ULK4: variants seen among roughly 807,000 people sequenced by gnomAD.
ULK4 encodes the protein inactive serine/threonine-protein kinase ULK4.
In ULK4, 133 loss-of-function variants were observed where a neutral mutation model predicts 160.6. The ratio of observed to expected loss-of-function variants is 0.83; its 90% confidence interval spans 0.72 to 0.96. The LOEUF is 0.96. ULK4 is among the 40% of genes least tolerant of loss of function. The pLI, the probability that ULK4 is intolerant of heterozygous loss-of-function variation, is 0.00. For missense variants in ULK4, 1,580 were observed against 1,499.5 expected (o/e 1.05, Z -0.89); for synonymous variants, 534 against 539.8 (o/e 0.99, Z 0.15).
In ULK4 at chr3:41,532,036, A is replaced by T. The variant is rs147557350; in HGVS notation, c.3226+33989T>A. Among the ~76,000 whole-genome samples the T allele has an allele frequency of 9.7e-4, 148 of 152,322 alleles. 1 individual carries two copies. Among genetic ancestry groups the T allele is most frequent in the Non-Finnish European group, 4.1e-4 (28 of 68,038 alleles). On this transcript the variant is annotated intron_variant, in intron 32 of 36. Transcript: ENST00000301831. ...CCAAACCACCGGTCTAATCTATACA[A>T]GTTAGCCAACCAAGACAGACAGGTA...
chr3:41,686,887 G>A lies in ULK4; in HGVS notation c.2782-5083C>T, dbSNP rs1400330476. Among the ~76,000 whole-genome samples, 3 of 152,090 alleles carry A rather than the reference G, an allele frequency of 2.0e-5. No homozygotes were observed. In the East Asian group the frequency reaches 5.8e-4, roughly 29 times the overall value. On this transcript the variant is annotated intron_variant, in intron 27 of 36. Transcript: ENST00000301831. ...ATTTCAATACATACAGTTTTCTAAA[G>A]AACTGTATGCATTTTATTTATTTTC...
In ULK4 at chr3:41,619,890, A is replaced by G. The variant is rs190920747; in HGVS notation, c.3072-4173T>C. ...ACACTAGCTAGACTAATAAAAAGAG[A>G]GAAGAATCAAATAGACACAACAAAA... On this transcript the variant is annotated intron_variant, in intron 30 of 36. Coordinates refer to ENST00000301831, the MANE Select transcript of ULK4 (RefSeq NM_017886.4). Among the ~76,000 whole-genome samples the G allele has an allele frequency of 1.9e-3, 288 of 152,282 alleles. 1 individual carries two copies. The highest frequency in any genetic ancestry group is 3.3e-3 in the Non-Finnish European group (225 of 68,018).
At chr3:41,504,206 G>C (rs2085304462) in intron 32 of ULK4, among the ~76,000 whole-genome samples, 1 of 152,014 alleles carries the variant, frequency 6.6e-6, no homozygotes, top group African/African-American at 2.4e-5. Flanking sequence ...CAATCACCTT[G>C]CTTACAACAA....
chr3:41,330,589 A>T (rs2080422440), intron 35 of ULK4, among the ~76,000 whole-genome samples: 1 of 152,224 alleles, frequency 6.6e-6, no homozygotes, highest in Non-Finnish European at 1.5e-5. Flanking sequence ...GGTTAGTCAG[A>T]GGGTCAGAGC....
chr3:41,580,661 T>C (rs573948837), intron 31 of ULK4, among the ~76,000 whole-genome samples: 3 of 152,264 alleles, frequency 2.0e-5, no homozygotes, highest in South Asian at 2.1e-4. Flanking sequence ...CCTGTCCTTA[T>C]AGCAACTAGA....
intron 27 of ULK4, among the ~76,000 whole-genome samples, chr3:41,701,465 A>G (rs2036673919): frequency 6.6e-6 from 1 of 152,216 alleles, no homozygotes; most frequent in Admixed American, 6.5e-5. Context: ...ATAATACCAA[A>G]AACAACTACC....
intron 21 of ULK4, among the ~76,000 whole-genome samples, chr3:41,781,419 A>C (rs1393474426): frequency 2.6e-5 from 3 of 115,714 alleles, no homozygotes; most frequent in Non-Finnish European, 6.2e-5. Context: ...TCCATCTTAA[A>C]AAAAAAAAAA....
intron 33 of ULK4, among the ~76,000 whole-genome samples, chr3:41,462,830 G>C (rs934178254): frequency 1.3e-4 from 20 of 152,130 alleles, no homozygotes; most frequent in African/African-American, 4.6e-4. Flanking sequence ...CCTTGGTCAG[G>C]AGTGGTTTCC....
chr3:41,617,833 A>G (rs185051514), intron 30 of ULK4, among the ~76,000 whole-genome samples: 1 of 152,338 alleles, frequency 6.6e-6, no homozygotes, highest in Non-Finnish European at 1.5e-5. Context: ...TCTGAACTAA[A>G]GCAGCATGTT....
intron 34 of ULK4, among the ~76,000 whole-genome samples, chr3:41,430,059 T>C (rs1256941300): frequency 2.0e-5 from 3 of 152,130 alleles, no homozygotes; most frequent in African/African-American, 7.2e-5. Flanking sequence ...TAATATAAGA[T>C]TAAGGTAAAG....
chr3:41,437,125 C>A (rs1293895313), intron 34 of ULK4, among the ~76,000 whole-genome samples: 1 of 152,158 alleles, frequency 6.6e-6, no homozygotes, highest in Non-Finnish European at 1.5e-5. Context: ...CTCCACTCAA[C>A]AGAACAGTAT....
At chr3:41,745,096 T>C (rs1193858068) in intron 22 of ULK4, among the ~76,000 whole-genome samples, 1 of 151,542 alleles carries the variant, frequency 6.6e-6, no homozygotes. Context: ...TAATGCTACA[T>C]GAGACCTTTT....
chr3:41,822,915 G>T (rs1387211037), intron 18 of ULK4, among the ~76,000 whole-genome samples: 1 of 150,098 alleles, frequency 6.7e-6, no homozygotes, highest in Admixed American at 6.7e-5. Flanking sequence ...GAAGAGACCG[G>T]TTTTCACCAT....
intron 16 of ULK4, among the ~76,000 whole-genome samples, chr3:41,887,467 G>T (rs1198541403): frequency 1.3e-5 from 2 of 152,196 alleles, no homozygotes; most frequent in African/African-American, 4.8e-5. Context: ...TTTTGATGTA[G>T]TGAAAGGAGA....
chr3:41,531,010 C>T (rs2086290398), intron 32 of ULK4, among the ~76,000 whole-genome samples: 1 of 151,674 alleles, frequency 6.6e-6, no homozygotes, highest in African/African-American at 2.4e-5. Flanking sequence ...GATCTGCCCG[C>T]CTCGGCCTCC....
chr3:41,246,848 CA>C lies in ULK4; in HGVS notation c.*80del, dbSNP rs1244539063. On this transcript the variant is annotated 3_prime_UTR_variant, in exon 37 of 37. Transcript: ENST00000301831. ...CAAAGACAGCTGTGAGGGGATGTGG[CA>C]AAGGTGTCTGGGAGCTGACCTTGCT... 4.6e-6 allele frequency: 7 copies of C among 1,521,064 alleles called. No homozygotes were observed. The East Asian group carries it at 1.6e-4, about 36-fold the overall frequency. The allele number at this position is 1,521,064 out of a possible 1,614,324, so 94.2% of individuals were successfully genotyped here.
At chr3:41,584,463 T>C (rs1250991921) in intron 31 of ULK4, among the ~76,000 whole-genome samples, 1 of 152,076 alleles carries the variant, frequency 6.6e-6, no homozygotes, top group Admixed American at 6.5e-5. Context: ...AGCTAATTAA[T>C]TAATTAGTAG....
chr3:41,596,390 A>T (rs1263107002), intron 31 of ULK4, among the ~76,000 whole-genome samples: 1 of 152,228 alleles, frequency 6.6e-6, no homozygotes, highest in African/African-American at 2.4e-5. Context: ...GTTGGACTTA[A>T]TAAAAGCTGT....
rs571556495 is a variant in ULK4, at chr3:41,939,149, G to A, written c.139-952C>T. ...ACTAGAAGGAAACAAAGCAAGACAT[G>A]AGCAATGATTACCCTTTTTTTTTTT... On this transcript the variant is annotated intron_variant, in intron 2 of 36. Transcript: ENST00000301831. Among the ~76,000 whole-genome samples the A allele has an allele frequency of 6.1e-4, 87 of 142,884 alleles. 2 individuals are homozygous for A. In the South Asian group the frequency reaches 0.02, roughly 32 times the overall value. 93.7% of individuals were successfully genotyped at this position (142,884 alleles called of 152,430 possible).
Sources: allele counts gnomAD v4.1 joint callset (sites outside exome capture counted in the v4.1 genomes callset), GRCh38; gene constraint gnomAD v4.1.1; transcripts MANE v1.5; gene names NCBI Gene and HGNC (gene_info 2026-07-23, HGNC 2026-07-21).